DIP2C: variants seen among roughly 807,000 people sequenced by gnomAD.
DIP2C encodes the protein DIP2 acetate--CoA ligase C (putative).
Under a neutral mutation model 192.4 loss-of-function variants are expected in DIP2C, and 33 were observed. The ratio of observed to expected loss-of-function variants is 0.17; its 90% CI spans 0.13 to 0.23. The LOEUF is 0.23. Ranked by LOEUF, DIP2C falls within the 10% of genes least tolerant of loss-of-function variation. The probability of loss-of-function intolerance (pLI) is 1.00; values close to 1 mark genes in which losing one functional copy is unlikely to be tolerated. For missense variants in DIP2C, 1,537 were observed against 2,110.1 expected, an observed-to-expected ratio of 0.73 and a Z score of 5.32; for synonymous variants, 979 against 864.1, an observed-to-expected ratio of 1.13 and a Z score of -2.33.
chr10:390,632 A>G, intron 11 of DIP2C, 108 bp downstream of exon 11: 1 of 1,510,172 alleles, frequency 6.6e-7, no homozygotes. Context: ...TCTGTGACTG[A>G]CGTTTCATTC....
In DIP2C at chr10:659,626, CTTGAA is replaced by C. The variant is rs141397793; in HGVS notation, c.85+29863_85+29867del. Among the ~76,000 whole-genome samples, 322 of 152,310 alleles carry C rather than the reference CTTGAA, an allele frequency of 2.1e-3. 2 individuals carry two copies. The highest frequency in any genetic ancestry group is 3.8e-3 in the Non-Finnish European group (257 of 68,034). Reference sequence around the variant, plus strand: ...CCTCTTCTGTAAAGGTATTCTCAAACTTGAATTGAACGAATTCTGCTAATTATAGT... The same window carrying C: ...CCTCTTCTGTAAAGGTATTCTCAAACTTGAACGAATTCTGCTAATTATAGT... On this transcript the variant is annotated intron_variant, in intron 1 of 36. Coordinates refer to ENST00000280886, the MANE Select transcript of DIP2C (RefSeq NM_014974.3).
At chr10:506,453 C>T (rs1588330027) in intron 1 of DIP2C, among the ~76,000 whole-genome samples, 1 of 152,118 alleles carries the variant, frequency 6.6e-6, no homozygotes, top group Non-Finnish European at 1.5e-5. Context: ...TTTCAACTGT[C>T]CATGTGGCTC....
At chr10:527,899 T>C (rs1162213594) in intron 1 of DIP2C, among the ~76,000 whole-genome samples, 1 of 152,138 alleles carries the variant, frequency 6.6e-6, no homozygotes, top group Non-Finnish European at 1.5e-5. Flanking sequence ...ACATCCATCG[T>C]CCATCCTCCA....
At chr10:484,161 A>C (rs935421121) in intron 2 of DIP2C, among the ~76,000 whole-genome samples, 1 of 152,144 alleles carries the variant, frequency 6.6e-6, no homozygotes, top group Non-Finnish European at 1.5e-5. Context: ...CACGAACCTA[A>C]AACTTCCACC....
chr10:566,755 C>G (rs971414583), intron 1 of DIP2C, among the ~76,000 whole-genome samples: 1 of 152,244 alleles, frequency 6.6e-6, no homozygotes, highest in Admixed American at 6.5e-5. Flanking sequence ...TGGCCCACGA[C>G]TGCTCAAAGT....
intron 1 of DIP2C, among the ~76,000 whole-genome samples, chr10:575,820 C>A (rs1382674017): frequency 6.6e-6 from 1 of 152,132 alleles, no homozygotes; most frequent in Non-Finnish European, 1.5e-5. Flanking sequence ...GCGCAAGGAG[C>A]CAAAGAAGAG....
chr10:433,428 G>T (rs1010291930), intron 4 of DIP2C, among the ~76,000 whole-genome samples: 1 of 152,104 alleles, frequency 6.6e-6, no homozygotes, highest in Non-Finnish European at 1.5e-5. Flanking sequence ...TGTAATCCCA[G>T]CACTTTAGGA....
At chr10:356,249 T>C (rs548783806) in intron 24 of DIP2C, 177 bp downstream of exon 24, 133 of 728,588 alleles carry the variant, frequency 1.8e-4, no homozygotes, top group Middle Eastern at 1.4e-3. Context: ...ACTGCACAAA[T>C]GGTTACGTTT....
chr10:545,830 G>GA (rs1192224718), intron 1 of DIP2C, among the ~76,000 whole-genome samples: 4 of 152,174 alleles, frequency 2.6e-5, no homozygotes, highest in Admixed American at 6.5e-5. Context: ...GTTGCGAAAG[G>GA]AAAAAAGTAA....
chr10:484,951 G>A (rs1352344990), intron 2 of DIP2C: 1 of 1,603,602 alleles, frequency 6.2e-7, no homozygotes, highest in Non-Finnish European at 8.5e-7. Flanking sequence ...ATTCGCTGCT[G>A]TAACAAGTTG....
chr10:318,129 T>C (rs529387435), intron 31 of DIP2C, among the ~76,000 whole-genome samples: 9 of 152,216 alleles, frequency 5.9e-5, no homozygotes, highest in African/African-American at 2.2e-4. Flanking sequence ...GAGAACACAG[T>C]GATGCTGGAT....
At chr10:400,077 C>T (rs1307311168) in intron 9 of DIP2C, among the ~76,000 whole-genome samples, 2 of 152,176 alleles carry the variant, frequency 1.3e-5, no homozygotes, top group Admixed American at 1.3e-4. Flanking sequence ...AACAAGTTCA[C>T]TCTATTACCC....
At chr10:375,264 C>T (rs1403784344) in intron 17 of DIP2C, among the ~76,000 whole-genome samples, 1 of 152,040 alleles carries the variant, frequency 6.6e-6, no homozygotes, top group Non-Finnish European at 1.5e-5. Context: ...GAGCTGGGCA[C>T]CTCCTCTCTC....
chr10:576,903 G>A lies in DIP2C; in HGVS notation c.86-90373C>T, dbSNP rs140283108. ...CCACCCTTCCAGCCTGGGTGACAGA[G>A]CAAGATTCTGTCTAATAAAAAAAAA... On this transcript the variant is annotated intron_variant, in intron 1 of 36. Transcript: ENST00000280886. Among the ~76,000 whole-genome samples the A allele has an allele frequency of 3.0e-3, 451 of 151,852 alleles. 5 individuals carry two copies. Among genetic ancestry groups the A allele is most frequent in the African/African-American group, 0.01 (426 of 41,252 alleles).
intron 32 of DIP2C, among the ~76,000 whole-genome samples, chr10:297,231 C>A (rs956068272): frequency 2.6e-4 from 28 of 109,074 alleles, no homozygotes; most frequent in Non-Finnish European, 7.1e-5. Flanking sequence ...CCCCCCCCCA[C>A]CCCACCACAT....
chr10:509,340 T>TA (rs1400712835), intron 1 of DIP2C, among the ~76,000 whole-genome samples: 1 of 151,800 alleles, frequency 6.6e-6, no homozygotes, highest in Non-Finnish European at 1.5e-5. Context: ...TCAGAGACAC[T>TA]AAGGAGCTTG....
At chr10:282,603 T>C (rs1954889373) in intron 35 of DIP2C, among the ~76,000 whole-genome samples, 1 of 152,232 alleles carries the variant, frequency 6.6e-6, no homozygotes, top group Non-Finnish European at 1.5e-5. Context: ...GAGAAAGGAT[T>C]CTGGAATAAG....
intron 29 of DIP2C, among the ~76,000 whole-genome samples, chr10:337,955 C>CGTGT (rs554936668): frequency 6.5e-5 from 8 of 122,526 alleles, no homozygotes; most frequent in East Asian, 2.8e-4. Context: ...CCTAGACAGT[C>CGTGT]GTGTGTGTGT....
At chr10:625,662 C>T (rs924177258) in intron 1 of DIP2C, among the ~76,000 whole-genome samples, 1 of 152,196 alleles carries the variant, frequency 6.6e-6, no homozygotes, top group Non-Finnish European at 1.5e-5. Context: ...ACGCACACTG[C>T]GCTTCAATCA....
Sources: allele counts gnomAD v4.1 joint callset (sites outside exome capture counted in the v4.1 genomes callset), GRCh38; gene constraint gnomAD v4.1.1; transcripts MANE v1.5; gene names NCBI Gene and HGNC (gene_info 2026-07-23, HGNC 2026-07-21).